The following GPAT3 variants were observed in gnomAD, a reference collection of about 807,000 sequenced individuals.
The protein encoded by GPAT3 is glycerol-3-phosphate acyltransferase 3, also known as 1-AGP acyltransferase 9.
A neutral mutation model predicts 58.8 loss-of-function variants in GPAT3; 53 were observed. The ratio of observed to expected loss-of-function variants is 0.90; its 90% CI spans 0.72 to 1.13. The LOEUF is 1.13. Ranked by LOEUF, GPAT3 falls within the 50% of genes most tolerant of loss-of-function variation. GPAT3 has a pLI of 0.00. For synonymous variants in GPAT3, 197 were observed against 187.4 expected, an observed-to-expected ratio of 1.05 and a Z score of -0.42; for missense variants, 511 against 527.6, an observed-to-expected ratio of 0.97 and a Z score of 0.31.
At position 83,588,273 on chromosome 4, in the gene GPAT3, C is replaced by T. The variant is rs1726463280; in HGVS notation, c.618C>T (p.Leu206=). Residue 206 remains leucine (L), a synonymous_variant, in exon 5 of 12, where the codon CTC becomes CTT. Coordinates refer to ENST00000264409, the MANE Select transcript of GPAT3 (RefSeq NM_032717.5). The part of the protein sequence containing the change: ...LTCCRICVRA[L]SGTIHYHNKQ... ...GCTGCCGGATCTGTGTGCGAGCCCT[C>T]TCTGGTACCATTCATTATCATAACA... 2 of 1,613,134 alleles carry T rather than the reference C, an allele frequency of 1.2e-6. No individual in the cohort carries two copies. The highest frequency in any genetic ancestry group is 1.7e-6 in the Non-Finnish European group (2 of 1,179,830).
At chr4:83,579,571 C>A (rs761801804) in intron 2 of GPAT3, among the ~76,000 whole-genome samples, 1 of 151,766 alleles carries the variant, frequency 6.6e-6, no homozygotes, top group African/African-American at 2.4e-5. Context: ...GAATTACAGG[C>A]ATAAGCCCCC....
intron 2 of GPAT3, among the ~76,000 whole-genome samples, chr4:83,574,779 G>A (rs62303966): frequency 0.19 from 27,411 of 146,448 alleles, 3,146 homozygotes; most frequent in East Asian, 0.32. Flanking sequence ...CAAAACTAAT[G>A]TAATAATTGA....
At position 83,596,308 on chromosome 4, in the gene GPAT3, T is replaced by C. The variant is rs139527352; in HGVS notation, c.855-550T>C. ...ACTGTCTAATATTCTCTTTTAAGAA[T>C]AGGCGAAGACACTGAAAATCACTTA... On this transcript the variant is annotated intron_variant, in intron 7 of 11. Coordinates refer to ENST00000264409, the MANE Select transcript of GPAT3 (RefSeq NM_032717.5). 4.1e-4 allele frequency among the ~76,000 whole-genome samples: 62 copies of C among 152,192 alleles called. 1 individual carries two copies. In the East Asian group the frequency reaches 0.012, roughly 29 times the overall value.
At chr4:83,604,294 C>T (rs558688529) in intron 11 of GPAT3, among the ~76,000 whole-genome samples, 2 of 152,200 alleles carry the variant, frequency 1.3e-5, no homozygotes, top group Non-Finnish European at 2.9e-5. Context: ...TGGTCTCGAA[C>T]TCCTGATCTC....
At chr4:83,566,742 C>T (rs1216306540) in intron 2 of GPAT3, among the ~76,000 whole-genome samples, 1 of 148,018 alleles carries the variant, frequency 6.8e-6, no homozygotes, top group Non-Finnish European at 1.5e-5. Context: ...GACATTATAT[C>T]TTTCCATTTG....
chr4:83,536,332 C>G lies in GPAT3; in HGVS notation c.-291C>G. On this transcript the variant is annotated 5_prime_UTR_variant, in exon 1 of 12. Coordinates refer to ENST00000264409, the MANE Select transcript of GPAT3 (RefSeq NM_032717.5). ...GTGTGCCTCCGCTTACCCGCAGCTC[C>G]GACCACTGGCTCGCGCTACCCAGGT... 13 of 1,143,824 alleles carry G rather than the reference C, an allele frequency of 1.1e-5. No individual in the cohort carries two copies. The highest frequency in any genetic ancestry group is 1.4e-5 in the Non-Finnish European group (13 of 930,484). The allele number at this position is 1,143,824 out of a possible 1,614,324, so 70.9% of individuals were successfully genotyped here.
chr4:83,577,108 A>G (rs1162804965), intron 2 of GPAT3, among the ~76,000 whole-genome samples: 2 of 152,368 alleles, frequency 1.3e-5, no homozygotes, highest in East Asian at 3.9e-4. Context: ...CAAAGTATAC[A>G]ATCTGCATCT....
intron 2 of GPAT3, among the ~76,000 whole-genome samples, chr4:83,561,829 G>A (rs1211672432): frequency 6.6e-6 from 1 of 150,400 alleles, no homozygotes; most frequent in Non-Finnish European, 1.5e-5. Context: ...AAGAGAGAGA[G>A]AATTGCCTTG....
At chr4:83,558,084 C>T (rs1018452756) in intron 2 of GPAT3, among the ~76,000 whole-genome samples, 2 of 152,016 alleles carry the variant, frequency 1.3e-5, no homozygotes, top group Non-Finnish European at 2.9e-5. Flanking sequence ...CATGGTGGTG[C>T]ATGCCTGTAA....
chr4:83,545,030 T>C (rs1315978254), intron 2 of GPAT3, among the ~76,000 whole-genome samples: 1 of 152,170 alleles, frequency 6.6e-6, no homozygotes, highest in East Asian at 1.9e-4. Context: ...TAATTGGTAA[T>C]ACATGAAATA....
chr4:83,549,951 G>C (rs1724691939), intron 2 of GPAT3, among the ~76,000 whole-genome samples: 1 of 151,468 alleles, frequency 6.6e-6, no homozygotes, highest in South Asian at 2.1e-4. Flanking sequence ...TCAAACTCCT[G>C]ACCTCAAATG....
Position 83,536,480 on chromosome 4 carries a change from T to C in GPAT3, c.-143T>C. 1.4e-6 allele frequency: 2 copies of C among 1,465,090 alleles called. No homozygotes were observed. The highest frequency in any genetic ancestry group is 1.8e-6 in the Non-Finnish European group (2 of 1,114,700). 90.8% of individuals were successfully genotyped at this position (1,465,090 alleles called of 1,614,324 possible). A position where few individuals can be genotyped will look rare whatever the true frequency, so the allele number is the denominator to read the frequency against. ...TATTGCCGTAATTCTGAAAGTTTTT[T>C]TCCTTCCTCTCTTCCCTTCGCAGAG... On this transcript the variant is annotated 5_prime_UTR_variant, in exon 1 of 12. Transcript: ENST00000264409.
intron 2 of GPAT3, among the ~76,000 whole-genome samples, chr4:83,565,092 T>G (rs1306664116): frequency 4.0e-5 from 6 of 151,804 alleles, no homozygotes; most frequent in East Asian, 1.9e-4. Context: ...TTATATGTAT[T>G]TATTTATTTA....
At chr4:83,539,923 C>T (rs1253504601) in intron 1 of GPAT3, among the ~76,000 whole-genome samples, 2 of 152,018 alleles carry the variant, frequency 1.3e-5, no homozygotes, top group Non-Finnish European at 2.9e-5. Flanking sequence ...TTTGGGAAGC[C>T]GAGGCAGGTG....
intron 2 of GPAT3, among the ~76,000 whole-genome samples, chr4:83,553,370 C>T (rs547140863): frequency 3.9e-5 from 6 of 152,116 alleles, no homozygotes; most frequent in Middle Eastern, 3.4e-3. Flanking sequence ...TTTTTCTTTT[C>T]GAATAGTAGT....
intron 2 of GPAT3, among the ~76,000 whole-genome samples, chr4:83,555,061 C>T (rs1389361733): frequency 6.6e-6 from 1 of 152,138 alleles, no homozygotes; most frequent in East Asian, 1.9e-4. Flanking sequence ...GCCTTGGCCT[C>T]CCAAAGTGCT....
At chr4:83,574,891 T>C (rs1354356180) in intron 2 of GPAT3, among the ~76,000 whole-genome samples, 2 of 146,384 alleles carry the variant, frequency 1.4e-5, no homozygotes, top group African/African-American at 2.5e-5. Flanking sequence ...TGTTTTTTTT[T>C]TTTTGAGACG....
intron 2 of GPAT3, among the ~76,000 whole-genome samples, chr4:83,577,428 A>G (rs1725860768): frequency 6.6e-6 from 1 of 152,218 alleles, no homozygotes; most frequent in African/African-American, 2.4e-5. Flanking sequence ...AAATAAGTGA[A>G]TCTCTGTGTC....
Position 83,599,100 on chromosome 4 carries a change from T to TA in GPAT3, c.1205+384dup, listed in dbSNP as rs1178953411. 2.6e-3 allele frequency among the ~76,000 whole-genome samples: 399 copies of TA among 151,994 alleles called. 1 individual carries two copies. Among genetic ancestry groups the TA allele is most frequent in the African/African-American group, 9.3e-3 (386 of 41,426 alleles). ...TTCCTGGCCTTTTCTTTTTTTTAAT[T>TA]AAAAAAATCACTGGTAATAATGTCA... On this transcript the variant is annotated intron_variant, in intron 11 of 11. Transcript: ENST00000264409.
Sources: gnomAD v4.1 joint callset for allele counts (sites outside exome capture counted in the v4.1 genomes callset) on GRCh38, gnomAD v4.1.1 for gene constraint, MANE v1.5 for transcripts, NCBI Gene and HGNC (gene_info 2026-07-23, HGNC 2026-07-21) for gene names.